The following CDH24 variants were observed in gnomAD, a reference collection of about 807,000 sequenced individuals.
CDH24 encodes the protein cadherin 24, also known as cadherin-24.
In CDH24, 61 loss-of-function variants were observed where a neutral mutation model predicts 71.2. The ratio of observed to expected loss-of-function variants is 0.86; its 90% CI spans 0.70 to 1.06. The LOEUF (loss-of-function observed/expected upper bound fraction) is 1.06. CDH24 is among the 50% of genes least tolerant of loss of function. CDH24 has a pLI of 0.00. For missense variants in CDH24, 961 were observed against 1,083.7 expected, an observed-to-expected ratio of 0.89 and a Z score of 1.59; for synonymous variants, 440 against 470.2, an observed-to-expected ratio of 0.94 and a Z score of 0.83.
chr14:23,055,833 T>C lies in CDH24; in HGVS notation c.-100A>G, dbSNP rs1260594356. ...TGGCTGGGGTGGAGGGGCAGATGCG[T>C]TGAGGCTACCCCATGGATCCACACC... On this transcript the variant is annotated 5_prime_UTR_variant, in exon 2 of 13. Coordinates refer to ENST00000487137, the MANE Select transcript of CDH24 (RefSeq NM_144985.4). This position sits in a 1 kb window ranked among gnomAD's most constrained non-coding sequence, Gnocchi z 4.1. 1 of 995,452 alleles carries C rather than the reference T, an allele frequency of 1.0e-6. No homozygotes were observed. Among genetic ancestry groups the C allele is most frequent in the Non-Finnish European group, 1.4e-6 (1 of 693,006 alleles). 61.7% of individuals were successfully genotyped at this position (995,452 alleles called of 1,614,324 possible).
At position 23,050,086 on chromosome 14, in the gene CDH24, AG is replaced by A. The variant is rs2047075037; in HGVS notation, c.1364-144del. On this transcript the variant is annotated intron_variant, in intron 8 of 12. Transcript: ENST00000487137. ...TGAAATATGCATGTAATGTACAGGT[AG>A]AAAACAATGTTGCAGAATGAATGGA... The A allele has an allele frequency of 6.8e-6, 8 of 1,181,590 alleles. No homozygotes were observed. In the South Asian group the frequency reaches 7.6e-5, roughly 11 times the overall value. 73.2% of individuals were successfully genotyped at this position (1,181,590 alleles called of 1,614,324 possible). A position where few individuals can be genotyped will look rare whatever the true frequency, so the allele number is the denominator to read the frequency against.
rs936862223 is a variant in CDH24, at chr14:23,054,311, C to T, written c.802G>A (p.Val268Met). 11 of 1,605,146 alleles carry T rather than the reference C, an allele frequency of 6.9e-6. No individual in the cohort carries two copies. The highest frequency in any genetic ancestry group is 2.2e-5 in the South Asian group (2 of 90,184). ...KFPQSLYQFS[V>M]VETAGPGTLV... ...GTGCCAGGTCCAGCTGTCTCCACCA[C>T]GGAGAACTGGTATAGGCCTTGGGAT... Residue 268 changes from valine (V) to methionine (M), a missense_variant, in exon 6 of 13, where the codon GTG becomes ATG. Val to Met is a conservative substitution (Grantham distance 21). Coordinates refer to ENST00000487137, the MANE Select transcript of CDH24 (RefSeq NM_144985.4). This position sits in a 1 kb window ranked among gnomAD's most constrained non-coding sequence, Gnocchi z 5.2.
Position 23,048,173 on chromosome 14 carries a change from C to T in CDH24, c.2153G>A (p.Gly718Asp). ...LRLREADEDP[G>D]VPPYDSVQVY... is the part of the protein sequence containing the mutation. ...CTGCACCGAGTCGTACGGGGGTACG[C>T]CGGGGTCCTCGTCCGCCTCGCGGAG... The change falls in exon 12 of 13, where the codon GGC becomes GAC. Residue 718 changes from glycine (G) to aspartate (D), a missense_variant. Coordinates refer to ENST00000487137, the MANE Select transcript of CDH24 (RefSeq NM_144985.4). 1 of 1,352,456 alleles carries T rather than the reference C, an allele frequency of 7.4e-7. No individual in the cohort carries two copies. The highest frequency in any genetic ancestry group is 3.3e-5 in the East Asian group (1 of 30,534). 83.8% of individuals were successfully genotyped at this position (1,352,456 alleles called of 1,614,324 possible). A position where few individuals can be genotyped will look rare whatever the true frequency, so the allele number is the denominator to read the frequency against.
At position 23,051,835 on chromosome 14, in the gene CDH24, C is replaced by A; in HGVS notation, c.1363+638G>T. ...GTATAAGGGACTATTCACAGAAGAT[C>A]GGGAGGGAGGTCTCCCTGTCTGTAT... On this transcript the variant is annotated intron_variant, in intron 8 of 12. Transcript: ENST00000487137. The surrounding 1 kb of genome is among the most constrained non-coding windows in gnomAD (Gnocchi z 4.4). 1 of 563,772 alleles carries A rather than the reference C, an allele frequency of 1.8e-6. No homozygotes were observed. The highest frequency in any genetic ancestry group is 3.1e-6 in the Non-Finnish European group (1 of 320,186). 34.9% of individuals were successfully genotyped at this position (563,772 alleles called of 1,614,324 possible). A position where few individuals can be genotyped will look rare whatever the true frequency, so the allele number is the denominator to read the frequency against.
rs367975656 is a variant in CDH24, at chr14:23,054,188, T to A, written c.925A>T (p.Ile309Phe). The change falls in exon 6 of 13, where the codon ATC becomes TTC. Residue 309 changes from isoleucine to phenylalanine, a missense_variant. Transcript: ENST00000487137. This position sits in a 1 kb window ranked among gnomAD's most constrained non-coding sequence, Gnocchi z 5.2. ...LDGEGSEAFS[I>F]STDLQGRDGL... The stretch of plus-strand genomic sequence containing the variant: ...TCTCGACCCTGCAAGTCTGTGCTGA[T>A]GCTGAAGGCCTCAGACCCCTCCCCA... 208 of 1,612,956 alleles carry A rather than the reference T, an allele frequency of 1.3e-4. No individual in the cohort carries two copies. Among genetic ancestry groups the A allele is most frequent in the Middle Eastern group, 4.9e-4 (3 of 6,076 alleles).
chr14:23,052,463 G>T lies in CDH24; in HGVS notation c.1363+10C>A. 1.9e-6 allele frequency: 3 copies of T among 1,613,380 alleles called. No individual in the cohort carries two copies. The highest frequency in any genetic ancestry group is 2.5e-6 in the Non-Finnish European group (3 of 1,179,892). On this transcript the variant is annotated intron_variant, in intron 8 of 12. Coordinates refer to ENST00000487137, the MANE Select transcript of CDH24 (RefSeq NM_144985.4). ...GGCTGCTGCCGCCTTGTGGGCCCTGGAGTCCTCACCGAGCTCTGTAGCCAG... is the reference window on the plus strand; with the variant it reads ...GGCTGCTGCCGCCTTGTGGGCCCTGTAGTCCTCACCGAGCTCTGTAGCCAG...
At position 23,054,542 on chromosome 14, in the gene CDH24, T is replaced by C; in HGVS notation, c.748A>G (p.Ser250Gly). 6.2e-7 allele frequency: 1 copy of C among 1,613,988 alleles called. No homozygotes were observed. The highest frequency in any genetic ancestry group is 8.5e-7 in the Non-Finnish European group (1 of 1,179,946). Residue 250 changes from serine (S) to glycine (G), a missense_variant, in exon 5 of 13, where the codon AGC becomes GGC. Transcript: ENST00000487137. The surrounding 1 kb of genome is among the most constrained non-coding windows in gnomAD (Gnocchi z 5.2). ...TTGGGGGGGTTGTCGTTGACATCGC[T>C]GAGCGTGACAGTCACCGTAGTGCTG... is the stretch of plus-strand genomic sequence containing the variant. Reference protein sequence around the residue: ...SGSTTVTVTLSDVNDNPPKFP... With the variant: ...SGSTTVTVTLGDVNDNPPKFP...
At chr14:23,056,836 G>A (rs1194952948) in intron 1 of CDH24, among the ~76,000 whole-genome samples, 1 of 152,132 alleles carries the variant, frequency 6.6e-6, no homozygotes, top group Non-Finnish European at 1.5e-5. Context: ...CTTTCTCCTA[G>A]GGGCGGGGGG....
chr14:23,052,222 G>A (rs2047089709), intron 8 of CDH24: 7 of 724,112 alleles, frequency 9.7e-6, no homozygotes, highest in Non-Finnish European at 1.7e-5. Context: ...CACACCCACT[G>A]TGCCCACCCA....
intron 8 of CDH24, chr14:23,052,017 G>A: frequency 6.3e-7 from 1 of 1,588,592 alleles, no homozygotes; most frequent in Non-Finnish European, 8.6e-7. Flanking sequence ...CTGGGGTGGG[G>A]CTGCTGGTGC....
chr14:23,054,389 C>G lies in CDH24; in HGVS notation c.785-61G>C. 6.5e-7 allele frequency: 1 copy of G among 1,547,122 alleles called. No homozygotes were observed. The highest frequency in any genetic ancestry group is 8.7e-7 in the Non-Finnish European group (1 of 1,144,314). On this transcript the variant is annotated intron_variant, in intron 5 of 12. Transcript: ENST00000487137. The surrounding 1 kb of genome is among the most constrained non-coding windows in gnomAD (Gnocchi z 5.2). ...GGTCCCCAGCCCTCCTCCCTCCCCACAGCACTTTATTCTCCCAGGATCTGG... is the reference window on the plus strand; with the variant it reads ...GGTCCCCAGCCCTCCTCCCTCCCCAGAGCACTTTATTCTCCCAGGATCTGG...
chr14:23,049,767 T>TG, intron 9 of CDH24, 29 bp from the exon 10 acceptor site: 5 of 1,612,488 alleles, frequency 3.1e-6, no homozygotes, highest in Non-Finnish European at 4.2e-6. Flanking sequence ...AGGCCTTGTA[T>TG]GGAGTGGGCT....
At chr14:23,049,384 C>T in intron 10 of CDH24, 109 bp from the exon 11 acceptor site, 1 of 1,059,264 alleles carries the variant, frequency 9.4e-7, no homozygotes, top group South Asian at 1.6e-5. Context: ...TAGAGCCAGC[C>T]CATAGGTCCA....
At chr14:23,049,354 C>T in intron 10 of CDH24, 79 bp from the exon 11 acceptor site, 1 of 1,369,088 alleles carries the variant, frequency 7.3e-7, no homozygotes, top group Non-Finnish European at 9.9e-7. Context: ...GAGCCAGCTT[C>T]CCATAGAGCC....
intron 8 of CDH24, chr14:23,052,175 G>C: frequency 1.3e-6 from 1 of 798,800 alleles, no homozygotes; most frequent in East Asian, 2.7e-5. Flanking sequence ...GGCAAGTCAG[G>C]TAAGGGAATG....
chr14:23,049,965 A>G (rs55783852), intron 8 of CDH24, 22 bp from the exon 9 acceptor site: 483 of 1,607,040 alleles, frequency 3.0e-4, no homozygotes, highest in Non-Finnish European at 3.8e-4. Context: ...ACACCAAAAC[A>G]TACACGCCAC....
chr14:23,048,221 A>C lies in CDH24; in HGVS notation c.2105T>G (p.Val702Gly). ...GAGCCGCAGCGCCAGGAGCTGCGCC[A>C]CGTCGGCGGGGCCGGGGGGTCTGGG... ...RQPRPPGPAD[V>G]AQLLALRLRE... The change falls in exon 12 of 13, where the codon GTG becomes GGG. Residue 702 changes from valine (V) to glycine (G), a missense_variant. Physicochemically the swap from Val to Gly is moderately radical, Grantham distance 109. Around this residue, in one of 2 missense-constraint regions of CDH24, gnomAD observed 290 missense variants for 272.8 expected, o/e 1.06. Transcript: ENST00000487137. The C allele has an allele frequency of 1.5e-6, 2 of 1,306,854 alleles. No individual in the cohort carries two copies. The highest frequency in any genetic ancestry group is 1.9e-6 in the Non-Finnish European group (2 of 1,027,612). The allele number at this position is 1,306,854 out of a possible 1,614,324, so 81.0% of individuals were successfully genotyped here.
In CDH24 at chr14:23,051,594, T is replaced by C. The variant is rs1367030771; in HGVS notation, c.1363+879A>G. ...CTGTACACTCAACAGTAAACACATA[T>C]ATATCCATTACAGATATATACCCAC... is the stretch of plus-strand genomic sequence containing the variant. On this transcript the variant is annotated intron_variant, in intron 8 of 12. Coordinates refer to ENST00000487137, the MANE Select transcript of CDH24 (RefSeq NM_144985.4). The surrounding 1 kb of genome is among the most constrained non-coding windows in gnomAD (Gnocchi z 4.4). Among the ~76,000 whole-genome samples the C allele has an allele frequency of 6.6e-6, 1 of 152,216 alleles. No homozygotes were observed. Among genetic ancestry groups the C allele is most frequent in the Non-Finnish European group, 1.5e-5 (1 of 68,040 alleles).
At chr14:23,050,493 C>CCACACACACACACACA (rs10553168) in intron 8 of CDH24, among the ~76,000 whole-genome samples, 9 of 144,884 alleles carry the variant, frequency 6.2e-5, no homozygotes, top group African/African-American at 1.5e-4. Flanking sequence ...CATATACACA[C>CCACACACACACACACA]CACACACACA....
Sources: gnomAD v4.1 joint callset for allele counts (sites outside exome capture counted in the v4.1 genomes callset) on GRCh38, gnomAD v4.1.1 for gene constraint, gnomAD v4.1.1 regional missense constraint, Gnocchi (gnomAD v3.1) non-coding constraint, MANE v1.5 for transcripts, NCBI Gene and HGNC (gene_info 2026-07-23, HGNC 2026-07-21) for gene names.